MCM10: variants seen among roughly 807,000 people sequenced by gnomAD.
MCM10 encodes minichromosome maintenance 10 replication initiation factor.
MCM10 carries 91 observed loss-of-function variants against 109.9 expected under a neutral mutation model. That is an observed-to-expected ratio of 0.83 (90% confidence interval 0.70 to 0.99). The LOEUF is 0.99. Among genes scored for constraint, MCM10 ranks in the 50% least tolerant of loss-of-function variants. The pLI is 0.00. For synonymous variants in MCM10, 380 were observed against 387.2 expected, an observed-to-expected ratio of 0.98 and a Z score of 0.22; for missense variants, 1,077 against 1,061.2, an observed-to-expected ratio of 1.01 and a Z score of -0.21.
At chr10:13,187,734 T>G (rs1834293273) in intron 9 of MCM10, among the ~76,000 whole-genome samples, 1 of 152,230 alleles carries the variant, frequency 6.6e-6, no homozygotes. Context: ...TTTATTCCCT[T>G]ATTCCTTCCT....
chr10:13,180,499 C>G lies in MCM10; in HGVS notation c.822C>G (p.Ile274Met). 6.2e-7 allele frequency: 1 copy of G among 1,614,000 alleles called. No individual in the cohort carries two copies. ...MNKKMTGRKL[I>M]RLSQIKEKMA... is the part of the protein sequence containing the mutation. ...AGAAAATGACCGGCCGAAAACTGAT[C>G]AGACTGTCTCAGATCAAGGAAAAGA... is the stretch of plus-strand genomic sequence containing the variant. Residue 274 changes from isoleucine to methionine, a missense_variant, in exon 7 of 20, where the codon ATC (isoleucine) becomes ATG (methionine). By Grantham distance (10) the Ile-to-Met change is conservative (BLOSUM62 1). Transcript: ENST00000378714.
At chr10:13,200,183 A>G (rs757422093) in intron 16 of MCM10, among the ~76,000 whole-genome samples, 54 of 152,226 alleles carry the variant, frequency 3.5e-4, no homozygotes, top group Non-Finnish European at 5.7e-4. Context: ...AATGGTCAAC[A>G]TAGGTTAAAA....
At position 13,209,173 on chromosome 10, in the gene MCM10, A is replaced by T. The variant is rs780727473; in HGVS notation, c.2541+40A>T. ...TACTAATTTTTGACTCCTTTTAGTG[A>T]CCCATGCTAATAATGTGGAACCATC... On this transcript the variant is annotated intron_variant, in intron 19 of 19. Coordinates refer to ENST00000378714, the MANE Select transcript of MCM10 (RefSeq NM_018518.5). The T allele has an allele frequency of 6.9e-6, 11 of 1,603,310 alleles. No individual in the cohort carries two copies. In the South Asian group the frequency reaches 1.2e-4, roughly 18 times the overall value.
chr10:13,165,030 C>T (rs1236327952), intron 2 of MCM10, among the ~76,000 whole-genome samples: 3 of 152,044 alleles, frequency 2.0e-5, no homozygotes, highest in Non-Finnish European at 4.4e-5. Flanking sequence ...CTTGAAATTC[C>T]TCACACTGTG....
chr10:13,209,008 TC>T, intron 18 of MCM10, 82 bp from the exon 19 acceptor site: 1 of 932,334 alleles, frequency 1.1e-6, no homozygotes, highest in Non-Finnish European at 1.8e-6. Flanking sequence ...GGGCCTACTC[TC>T]CCCAGGTGCA....
Position 13,204,198 on chromosome 10 carries a change from GTTT to G in MCM10, c.2353-17_2353-15del. 6.2e-7 allele frequency: 1 copy of G among 1,607,568 alleles called. No individual in the cohort carries two copies. The highest frequency in any genetic ancestry group is 8.5e-7 in the Non-Finnish European group (1 of 1,175,530). ...CAAAGGCTCTTCACCGGCGGTGTGG[GTTT>G]TTTGTTGCTCTGTGCAGTGCGCCTA... is the stretch of plus-strand genomic sequence containing the variant. On this transcript the variant is annotated intron_variant, in intron 17 of 19. Transcript: ENST00000378714.
At position 13,201,216 on chromosome 10, in the gene MCM10, C is replaced by T. The variant is rs144162838; in HGVS notation, c.2239-205C>T. 2.0e-3 allele frequency among the ~76,000 whole-genome samples: 311 copies of T among 152,234 alleles called. 2 individuals carry two copies. The highest frequency in any genetic ancestry group is 6.9e-3 in the African/African-American group (288 of 41,554). Reference sequence around the variant, plus strand: ...CCTTTGTTTTTGCATATTAAGAGCTCGTTTCTATGCATCATCATCTTTTGC... The same window carrying T: ...CCTTTGTTTTTGCATATTAAGAGCTTGTTTCTATGCATCATCATCTTTTGC... On this transcript the variant is annotated intron_variant, in intron 16 of 19. Transcript: ENST00000378714.
chr10:13,172,337 C>T lies in MCM10; in HGVS notation c.350-39C>T. 6.5e-7 allele frequency: 1 copy of T among 1,527,346 alleles called. No individual in the cohort carries two copies. Among genetic ancestry groups the T allele is most frequent in the South Asian group, 1.1e-5 (1 of 87,688 alleles). 94.6% of individuals were successfully genotyped at this position (1,527,346 alleles called of 1,614,324 possible). A position where few individuals can be genotyped will look rare whatever the true frequency, so the allele number is the denominator to read the frequency against. On this transcript the variant is annotated intron_variant, in intron 3 of 19. Coordinates refer to ENST00000378714, the MANE Select transcript of MCM10 (RefSeq NM_018518.5). The surrounding 1 kb of genome is among the most constrained non-coding windows in gnomAD (Gnocchi z 5.2). The stretch of plus-strand genomic sequence containing the variant: ...ATTTTTGTCATGTAGAACGTTTTCT[C>T]CTGCCTGGTTCTTAAATTAACATAT...
intron 7 of MCM10, among the ~76,000 whole-genome samples, chr10:13,181,596 G>T (rs1051140357): frequency 6.6e-6 from 1 of 152,058 alleles, no homozygotes; most frequent in African/African-American, 2.4e-5. Flanking sequence ...CTATGTGATG[G>T]GTTAGTAGGT....
intron 6 of MCM10, among the ~76,000 whole-genome samples, chr10:13,177,344 C>T (rs1235920275): frequency 2.0e-5 from 3 of 152,130 alleles, no homozygotes; most frequent in South Asian, 2.1e-4. Context: ...GGTCCCTTAT[C>T]CAAAATGCTT....
At chr10:13,162,366 T>C (rs1056777972) in intron 1 of MCM10, among the ~76,000 whole-genome samples, 1 of 152,172 alleles carries the variant, frequency 6.6e-6, no homozygotes, top group African/African-American at 2.4e-5. Context: ...AGAATTTCAA[T>C]GAAGGGACCC....
intron 5 of MCM10, among the ~76,000 whole-genome samples, 157 bp from the exon 6 acceptor site, chr10:13,175,353 G>T (rs542044159): frequency 6.6e-6 from 1 of 152,252 alleles, no homozygotes; most frequent in Non-Finnish European, 1.5e-5. Flanking sequence ...AGGAGATGGA[G>T]GTTGCAGTGA....
chr10:13,208,171 CCCAGGAGTTCAAGACCAG>C (rs1031976922), intron 18 of MCM10, among the ~76,000 whole-genome samples: 10 of 152,014 alleles, frequency 6.6e-5, no homozygotes, highest in African/African-American at 2.4e-4. Flanking sequence ...AACACTTGAG[CCCAGGAGTTCAAGACCAG>C]CCTGGGCAAC....
intron 5 of MCM10, among the ~76,000 whole-genome samples, chr10:13,174,418 T>A (rs1834114385): frequency 6.6e-6 from 1 of 152,006 alleles, no homozygotes; most frequent in Non-Finnish European, 1.5e-5. Flanking sequence ...ATTCTTAAAG[T>A]AGAATTTGAA....
At chr10:13,175,914 T>C (rs1475624170) in intron 6 of MCM10, among the ~76,000 whole-genome samples, 1 of 152,208 alleles carries the variant, frequency 6.6e-6, no homozygotes, top group African/African-American at 2.4e-5. Context: ...AAAGAATCTG[T>C]ATCTATAAAA....
At chr10:13,161,657 G>T (rs1289539886) in intron 1 of MCM10, 51 bp downstream of exon 1, 1 of 152,322 alleles carries the variant, frequency 6.6e-6, no homozygotes, top group South Asian at 2.1e-4. Flanking sequence ...CGGCGGGGCC[G>T]GGGCCGCCTC....
intron 18 of MCM10, among the ~76,000 whole-genome samples, chr10:13,204,992 A>C: frequency 9.6e-5 from 1 of 10,384 alleles, no homozygotes; most frequent in Non-Finnish European, 4.8e-4. Flanking sequence ...TCATGTATGT[A>C]TGTATGTATG....
chr10:13,197,917 A>ATTTTT, intron 15 of MCM10, 150 bp downstream of exon 15: 1 of 514,980 alleles, frequency 1.9e-6, no homozygotes, highest in Non-Finnish European at 3.2e-6. Context: ...GGTGGAACTG[A>ATTTTT]TTTTTTTTTT....
At chr10:13,194,963 C>A in intron 13 of MCM10, 78 bp from the exon 14 acceptor site, 1 of 1,355,698 alleles carries the variant, frequency 7.4e-7, no homozygotes, top group Non-Finnish European at 1.0e-6. Context: ...TGCCTGCCGC[C>A]TCCCAGTCCA....
Sources: gnomAD v4.1 joint callset for allele counts (sites outside exome capture counted in the v4.1 genomes callset) on GRCh38, gnomAD v4.1.1 for gene constraint, Gnocchi (gnomAD v3.1) non-coding constraint, MANE v1.5 for transcripts, NCBI Gene and HGNC (gene_info 2026-07-23, HGNC 2026-07-21) for gene names.